Variants in LRRC34 observed in about 807,000 individuals in gnomAD.
LRRC34 encodes the protein leucine rich repeat containing 34, also known as leucine-rich repeat-containing protein 34.
Under a neutral mutation model 48.5 loss-of-function variants are expected in LRRC34, and 44 were observed. The observed-to-expected ratio is 0.91, with a 90% CI of 0.71 to 1.17. The LOEUF (loss-of-function observed/expected upper bound fraction) is 1.17, where lower values mean the gene tolerates loss of function less well. LRRC34 is among the 50% of genes most tolerant of loss of function. The probability of loss-of-function intolerance (pLI) is 0.00; values close to 1 mark genes in which losing one functional copy is unlikely to be tolerated. For missense variants in LRRC34, 502 were observed against 563.0 expected, an observed-to-expected ratio of 0.89 and a Z score of 1.10; for synonymous variants, 192 against 197.6, an observed-to-expected ratio of 0.97 and a Z score of 0.24.
At position 169,793,604 on chromosome 3, in the gene LRRC34, A is replaced by T. The variant is rs971274245; in HGVS notation, c.*31T>A. The T allele has an allele frequency of 2.0e-5, 30 of 1,465,196 alleles. No individual in the cohort carries two copies. The highest frequency in any genetic ancestry group is 2.5e-5 in the Non-Finnish European group (26 of 1,051,334). The allele number at this position is 1,465,196 out of a possible 1,614,324, so 90.8% of individuals were successfully genotyped here. A position where few individuals can be genotyped will look rare whatever the true frequency, so the allele number is the denominator to read the frequency against. On this transcript the variant is annotated 3_prime_UTR_variant, in exon 11 of 11. Coordinates refer to ENST00000446859, the MANE Select transcript of LRRC34 (RefSeq NM_001172779.2). ...TTAATCTCTGTGAAACAATAAGACA[A>T]GTGTATGAAAATTATTTTACAGCTA... is the stretch of plus-strand genomic sequence containing the variant.
intron 7 of LRRC34, among the ~76,000 whole-genome samples, chr3:169,799,040 G>A (rs964982232): frequency 4.1e-4 from 63 of 152,294 alleles, no homozygotes; most frequent in African/African-American, 1.5e-3. Context: ...GCAATTCACT[G>A]CATGCCTACT....
At chr3:169,811,003 A>ACAAGGTTG (rs1265968196) in intron 1 of LRRC34, among the ~76,000 whole-genome samples, 6 of 152,170 alleles carry the variant, frequency 3.9e-5, no homozygotes, top group African/African-American at 1.4e-4. Flanking sequence ...GGTGGAGGTT[A>ACAAGGTTG]CAAGGTTGCA....
intron 6 of LRRC34, among the ~76,000 whole-genome samples, chr3:169,802,494 G>A (rs987013045): frequency 6.6e-6 from 1 of 152,138 alleles, no homozygotes; most frequent in African/African-American, 2.4e-5. Flanking sequence ...CATTTTTGTA[G>A]CACTTTCCTC....
intron 7 of LRRC34, among the ~76,000 whole-genome samples, chr3:169,799,757 C>T (rs151108719): frequency 3.9e-5 from 6 of 152,292 alleles, no homozygotes; most frequent in Admixed American, 2.6e-4. Context: ...CTGTCGCCCA[C>T]GCTGGAGTGC....
In LRRC34 at chr3:169,796,737, T is replaced by A. The variant is rs1469544095; in HGVS notation, c.908+8A>T. On this transcript the variant is annotated splice_region_variant and intron_variant, in intron 8 of 10. Coordinates refer to ENST00000446859, the MANE Select transcript of LRRC34 (RefSeq NM_001172779.2). ...CTTTGAATTATTAATGTGTAAATTA[T>A]CACTTACCAGCTGACATCAAGGTAG... 23 of 1,602,078 alleles carry A rather than the reference T, an allele frequency of 1.4e-5. No individual in the cohort carries two copies. The highest frequency in any genetic ancestry group is 1.7e-5 in the Non-Finnish European group (20 of 1,176,510).
In LRRC34 at chr3:169,800,658, C is replaced by G; in HGVS notation, c.753+1G>C. ...TAACTACCATCACTTTGAATACATACCTGTTCACTGTACAGTATAGGTCGG... is the reference window on the plus strand; with the variant it reads ...TAACTACCATCACTTTGAATACATAGCTGTTCACTGTACAGTATAGGTCGG... On this transcript the variant is annotated splice_donor_variant, in intron 7 of 10. Transcript: ENST00000446859. LOFTEE classifies it high-confidence loss of function. 6.6e-7 allele frequency: 1 copy of G among 1,516,666 alleles called. No individual in the cohort carries two copies. The highest frequency in any genetic ancestry group is 1.2e-5 in the South Asian group (1 of 82,584). 94.0% of individuals were successfully genotyped at this position (1,516,666 alleles called of 1,614,324 possible). A position where few individuals can be genotyped will look rare whatever the true frequency, so the allele number is the denominator to read the frequency against.
chr3:169,808,571 C>T, intron 2 of LRRC34, 57 bp downstream of exon 2: 8 of 944,238 alleles, frequency 8.5e-6, no homozygotes, highest in Non-Finnish European at 1.3e-5. Flanking sequence ...TTAGGATTTT[C>T]ACACACATGA....
At chr3:169,798,378 G>C (rs1380924676) in intron 7 of LRRC34, among the ~76,000 whole-genome samples, 1 of 152,188 alleles carries the variant, frequency 6.6e-6, no homozygotes, top group Non-Finnish European at 1.5e-5. Context: ...TAATGCCAAT[G>C]AGCATTAAAG....
At position 169,807,717 on chromosome 3, in the gene LRRC34, A is replaced by AC; in HGVS notation, c.258-9_258-8insG. On this transcript the variant is annotated splice_polypyrimidine_tract_variant and intron_variant, in intron 2 of 10. Transcript: ENST00000446859. ...GTGATTCCTGCTGCTAGCCTGTTAA[A>AC]ATACAAAAAAAAAAAAAAAAAAAAA... 1 of 1,518,116 alleles carries AC rather than the reference A, an allele frequency of 6.6e-7. No homozygotes were observed. Among genetic ancestry groups the AC allele is most frequent in the South Asian group, 1.3e-5 (1 of 77,186 alleles). 94.0% of individuals were successfully genotyped at this position (1,518,116 alleles called of 1,614,324 possible).
Position 169,807,645 on chromosome 3 carries a change from T to C in LRRC34, c.322A>G (p.Thr108Ala), listed in dbSNP as rs772670669. 1.9e-6 allele frequency: 3 copies of C among 1,607,876 alleles called. No homozygotes were observed. Among genetic ancestry groups the C allele is most frequent in the Non-Finnish European group, 2.5e-6 (3 of 1,178,770 alleles). Residue 108 changes from threonine (T) to alanine (A), a missense_variant, in exon 3 of 11, where the codon ACA (threonine) becomes GCA (alanine). Transcript: ENST00000446859. ...NNRLVPVERV[T>A]GEDFWILSKI... is the part of the protein sequence containing the mutation. The stretch of plus-strand genomic sequence containing the variant: ...GAAAGAATCCAAAAATCTTCACCTG[T>C]AACTCTTTCTACTGGCACTAAGCGA...
At chr3:169,799,871 C>A (rs1358721128) in intron 7 of LRRC34, among the ~76,000 whole-genome samples, 1 of 152,112 alleles carries the variant, frequency 6.6e-6, no homozygotes, top group African/African-American at 2.4e-5. Context: ...TGCCACCATG[C>A]CTGGCTAATT....
At chr3:169,803,870 T>G (rs1779277889) in intron 6 of LRRC34, 183 bp downstream of exon 6, 1 of 415,910 alleles carries the variant, frequency 2.4e-6, no homozygotes, top group Non-Finnish European at 4.1e-6. Flanking sequence ...TTATTAAGTA[T>G]TTTTCTATGT....
Position 169,812,682 on chromosome 3 carries a change from C to T in LRRC34, c.-134G>A. 7.8e-7 allele frequency: 1 copy of T among 1,282,498 alleles called. No homozygotes were observed. The highest frequency in any genetic ancestry group is 1.0e-6 in the Non-Finnish European group (1 of 984,774). The allele number at this position is 1,282,498 out of a possible 1,614,324, so 79.4% of individuals were successfully genotyped here. A position where few individuals can be genotyped will look rare whatever the true frequency, so the allele number is the denominator to read the frequency against. On this transcript the variant is annotated 5_prime_UTR_variant, in exon 1 of 11. Transcript: ENST00000446859. This position sits in a 1 kb window ranked among gnomAD's most constrained non-coding sequence, Gnocchi z 4.3. ...GCCTCACTGCTAAGGCAGTGACCGC[C>T]TACTCTGTGGAGGTCCTTTGTCACC...
chr3:169,806,580 G>A (rs577348392), intron 5 of LRRC34, among the ~76,000 whole-genome samples: 1 of 151,928 alleles, frequency 6.6e-6, no homozygotes, highest in South Asian at 2.1e-4. Context: ...AGTGATACTT[G>A]CACAGCCCTG....
intron 5 of LRRC34, among the ~76,000 whole-genome samples, chr3:169,805,216 C>T (rs960722101): frequency 9.9e-5 from 15 of 152,136 alleles, no homozygotes; most frequent in Admixed American, 2.6e-4. Context: ...AAGTGAAACT[C>T]TGTATGTGAC....
At chr3:169,795,147 T>C (rs1180290613) in intron 10 of LRRC34, 2 of 155,614 alleles carry the variant, frequency 1.3e-5, no homozygotes, top group African/African-American at 4.8e-5. Context: ...AATATTTTGA[T>C]AGCTTGTACT....
At position 169,793,512 on chromosome 3, in the gene LRRC34, ATTATCTT is replaced by A. The variant is rs1778869140; in HGVS notation, c.*116_*122del. ...CAGTTATACAAAGTTTAATACAGTCATTATCTTTTACACATTTGAAAAAAGTAACTTG... is the reference window on the plus strand; with the variant it reads ...CAGTTATACAAAGTTTAATACAGTCATTACACATTTGAAAAAAGTAACTTG... On this transcript the variant is annotated 3_prime_UTR_variant, in exon 11 of 11. Transcript: ENST00000446859. 1 of 715,216 alleles carries A rather than the reference ATTATCTT, an allele frequency of 1.4e-6. No individual in the cohort carries two copies. Among genetic ancestry groups the A allele is most frequent in the African/African-American group, 1.8e-5 (1 of 55,824 alleles). 44.3% of individuals were successfully genotyped at this position (715,216 alleles called of 1,614,324 possible).
chr3:169,804,795 G>T (rs1377654258), intron 5 of LRRC34, among the ~76,000 whole-genome samples: 1 of 152,024 alleles, frequency 6.6e-6, no homozygotes, highest in Non-Finnish European at 1.5e-5. Context: ...TTTTTAAATT[G>T]AGGTGAAATT....
chr3:169,805,884 C>CA (rs372353857), intron 5 of LRRC34, among the ~76,000 whole-genome samples: 5,154 of 54,054 alleles, frequency 0.095, 387 homozygotes, highest in African/African-American at 0.21. Context: ...AACTCCATCT[C>CA]AAAAAAAAAA....
Sources: gnomAD v4.1 joint callset for allele counts (sites outside exome capture counted in the v4.1 genomes callset) on GRCh38, gnomAD v4.1.1 for gene constraint, Gnocchi (gnomAD v3.1) non-coding constraint, MANE v1.5 for transcripts, NCBI Gene and HGNC (gene_info 2026-07-23, HGNC 2026-07-21) for gene names.